The following TENM2 variants were observed in gnomAD, a reference collection of about 807,000 sequenced individuals.
The protein encoded by TENM2 is teneurin-2.
TENM2 carries 52 observed loss-of-function variants against 245.2 expected under a neutral mutation model. The observed-to-expected ratio is 0.21, with a 90% CI of 0.17 to 0.27. The LOEUF (loss-of-function observed/expected upper bound fraction) is 0.27. Ranked by LOEUF, TENM2 falls within the 10% of genes least tolerant of loss-of-function variation. The probability of loss-of-function intolerance (pLI) is 1.00; values close to 1 mark genes in which losing one functional copy is unlikely to be tolerated. For synonymous variants in TENM2, 1,363 were observed against 1,438.9 expected (o/e 0.95, Z 1.19); for missense variants, 3,046 against 3,666.8 (o/e 0.83, Z 4.37).
the TENM2 span, among the ~76,000 whole-genome samples, chr5:167,233,495 C>T: frequency 6.6e-6 from 1 of 152,142 alleles, no homozygotes; most frequent in African/African-American, 2.4e-5. Flanking sequence ...AGTATTTTCA[C>T]CAGGTTTCAA....
rs150488505 is a variant in TENM2, at chr5:167,730,184, T to G, written c.503-145802T>G. On this transcript the variant is annotated intron_variant, in intron 2 of 28. Coordinates refer to ENST00000518659, the Ensembl canonical transcript of TENM2. ...TGCCGTTGTTCTCATTGGAGCATACTACAGAAACCTATTTATGAAAATATC... is the reference window on the plus strand; with the variant it reads ...TGCCGTTGTTCTCATTGGAGCATACGACAGAAACCTATTTATGAAAATATC... Among the ~76,000 whole-genome samples, 768 of 152,320 alleles carry G rather than the reference T, an allele frequency of 5.0e-3. 5 individuals carry two copies. Among genetic ancestry groups the G allele is most frequent in the African/African-American group, 0.018 (730 of 41,570 alleles).
intron 8 of TENM2, among the ~76,000 whole-genome samples, chr5:168,092,050 G>A (rs997025955): frequency 2.0e-5 from 3 of 152,042 alleles, no homozygotes; most frequent in African/African-American, 4.8e-5. Context: ...GTCTAGTATC[G>A]CTCTTTTTCT....
chr5:166,996,596 G>A, the TENM2 span, among the ~76,000 whole-genome samples: 3 of 152,190 alleles, frequency 2.0e-5, no homozygotes, highest in Non-Finnish European at 4.4e-5. Context: ...TTTATCTAAT[G>A]TGTGGTTTGC....
intron 2 of TENM2, among the ~76,000 whole-genome samples, chr5:167,436,418 AT>A (rs1263936787): frequency 6.6e-6 from 1 of 152,162 alleles, no homozygotes; most frequent in Non-Finnish European, 1.5e-5. Flanking sequence ...TCAAGAGGTA[AT>A]TTGGGTGCTG....
chr5:167,778,101 T>C (rs1233545421), intron 2 of TENM2, among the ~76,000 whole-genome samples: 2 of 152,072 alleles, frequency 1.3e-5, no homozygotes, highest in East Asian at 3.9e-4. Flanking sequence ...ATAGAAAAAA[T>C]GTGCTGGCCC....
chr5:168,057,609 T>C (rs1310118668), intron 6 of TENM2, among the ~76,000 whole-genome samples: 1 of 152,204 alleles, frequency 6.6e-6, no homozygotes, highest in Non-Finnish European at 1.5e-5. Context: ...GACTCTTGAC[T>C]TTTGGTTCTT....
chr5:167,555,054 T>C (rs528807088), intron 2 of TENM2, among the ~76,000 whole-genome samples: 2 of 152,242 alleles, frequency 1.3e-5, no homozygotes, highest in South Asian at 4.1e-4. Flanking sequence ...AGTAAACACT[T>C]TCCTTTCTGC....
At chr5:167,139,721 C>A in the TENM2 span, among the ~76,000 whole-genome samples, 7 of 152,132 alleles carry the variant, frequency 4.6e-5, no homozygotes, top group African/African-American at 1.7e-4. Flanking sequence ...TCTGTCACTT[C>A]CATAATCCAC....
the TENM2 span, among the ~76,000 whole-genome samples, chr5:167,158,441 G>C: frequency 0.029 from 4,375 of 152,178 alleles, 228 homozygotes; most frequent in African/African-American, 0.098. Context: ...TCATGGTTTA[G>C]ATTGGCCTGC....
intron 1 of TENM2, among the ~76,000 whole-genome samples, chr5:167,332,323 A>T (rs979612914): frequency 6.6e-6 from 1 of 151,718 alleles, no homozygotes; most frequent in African/African-American, 2.4e-5. Flanking sequence ...ATGCCTTTTT[A>T]TGTTTTTGTT....
chr5:168,106,207 G>T (rs1191374048), intron 9 of TENM2, among the ~76,000 whole-genome samples: 1 of 152,102 alleles, frequency 6.6e-6, no homozygotes, highest in African/African-American at 2.4e-5. Context: ...CTCTCTGGGG[G>T]TTGGTTTCAG....
At chr5:167,435,432 C>G (rs897785758) in intron 2 of TENM2, among the ~76,000 whole-genome samples, 2 of 152,186 alleles carry the variant, frequency 1.3e-5, no homozygotes, top group Non-Finnish European at 2.9e-5. Flanking sequence ...TCTCTATTGC[C>G]TGCTGCGATG....
At chr5:167,369,319 G>C (rs1210938889) in intron 1 of TENM2, among the ~76,000 whole-genome samples, 2 of 152,088 alleles carry the variant, frequency 1.3e-5, no homozygotes, top group African/African-American at 4.8e-5. Flanking sequence ...ACTAAATCTT[G>C]GTCCAGAACC....
chr5:167,375,274 G>C (rs1286426203), exon 2 of TENM2: 2 of 1,551,620 alleles, frequency 1.3e-6, no homozygotes, highest in South Asian at 1.2e-5. Context: ...CCGACATGGG[G>C]ATCCTTCACC....
intron 6 of TENM2, among the ~76,000 whole-genome samples, chr5:168,054,659 C>T (rs906529507): frequency 6.6e-6 from 1 of 152,134 alleles, no homozygotes; most frequent in Non-Finnish European, 1.5e-5. Flanking sequence ...TGAATTATGG[C>T]AACATTTTCT....
At chr5:167,312,730 C>A (rs1310423043) in intron 1 of TENM2, among the ~76,000 whole-genome samples, 1 of 151,720 alleles carries the variant, frequency 6.6e-6, no homozygotes, top group Non-Finnish European at 1.5e-5. Context: ...GATGCTTTTT[C>A]TCTCCACAGT....
intron 2 of TENM2, among the ~76,000 whole-genome samples, chr5:167,746,437 G>A (rs1410925966): frequency 6.6e-6 from 1 of 150,872 alleles, no homozygotes; most frequent in Non-Finnish European, 1.5e-5. Flanking sequence ...CTAGAACCAA[G>A]TTGGGTAAAG....
chr5:167,328,783 C>T (rs1199896781), intron 1 of TENM2, among the ~76,000 whole-genome samples: 5 of 152,120 alleles, frequency 3.3e-5, no homozygotes, highest in African/African-American at 1.2e-4. Flanking sequence ...TCACTTATTT[C>T]CTTATGTCCT....
intron 4 of TENM2, among the ~76,000 whole-genome samples, chr5:167,980,133 T>C (rs972989071): frequency 1.3e-5 from 2 of 152,256 alleles, no homozygotes; most frequent in Non-Finnish European, 2.9e-5. Context: ...ATCCTGGCCC[T>C]CCTGGAATGT....
Sources: gnomAD v4.1 joint callset for allele counts (sites outside exome capture counted in the v4.1 genomes callset) on GRCh38, gnomAD v4.1.1 for gene constraint, MANE v1.5 for transcripts, NCBI Gene and HGNC (gene_info 2026-07-23, HGNC 2026-07-21) for gene names.